SMPD4: variants seen among roughly 807,000 people sequenced by gnomAD.
SMPD4 encodes sphingomyelin phosphodiesterase 4, also known as neutral sphingomyelinase 3.
SMPD4 carries 58 observed loss-of-function variants against 97.8 expected under a neutral mutation model. That is an observed-to-expected ratio of 0.59 (90% CI 0.48 to 0.74). SMPD4 has a LOEUF of 0.74. SMPD4 is among the 30% of genes least tolerant of loss of function. The probability of loss-of-function intolerance (pLI) is 0.00; values close to 1 mark genes in which losing one functional copy is unlikely to be tolerated. For missense variants in SMPD4, 853 were observed against 1,080.5 expected, an observed-to-expected ratio of 0.79 and a Z score of 2.95; for synonymous variants, 388 against 450.0, an observed-to-expected ratio of 0.86 and a Z score of 1.74.
chr2:130,169,123 G>T (rs76615605), intron 8 of SMPD4, among the ~76,000 whole-genome samples: 1 of 149,388 alleles, frequency 6.7e-6, no homozygotes, highest in Non-Finnish European at 1.5e-5. Context: ...CAAGGACCAG[G>T]TGTCCCACTA....
At chr2:130,156,410 C>T in intron 13 of SMPD4, 175 bp downstream of exon 13, 2 of 736,948 alleles carry the variant, frequency 2.7e-6, no homozygotes, top group Non-Finnish European at 4.5e-6. Flanking sequence ...GCAGGGCTTT[C>T]CTGAGGGCTG....
At chr2:130,158,459 AGT>A (rs1359559369) in intron 11 of SMPD4, among the ~76,000 whole-genome samples, 1 of 152,080 alleles carries the variant, frequency 6.6e-6, no homozygotes, top group Admixed American at 6.5e-5. Context: ...TGGGACGACA[AGT>A]GTGTGCCACC....
At chr2:130,172,965 T>C (rs1408303436) in intron 5 of SMPD4, 70 bp from the exon 6 acceptor site, 5 of 1,544,256 alleles carry the variant, frequency 3.2e-6, no homozygotes, top group Non-Finnish European at 4.4e-6. Flanking sequence ...GTACCCCACA[T>C]GCACAGCAGC....
At chr2:130,166,119 C>T (rs368681463) in intron 9 of SMPD4, among the ~76,000 whole-genome samples, 1 of 151,820 alleles carries the variant, frequency 6.6e-6, no homozygotes, top group Non-Finnish European at 1.5e-5. Flanking sequence ...GTCAGGAGTT[C>T]GAGACATGGT....
At chr2:130,162,593 G>A (rs1334239021) in intron 10 of SMPD4, among the ~76,000 whole-genome samples, 2 of 152,202 alleles carry the variant, frequency 1.3e-5, no homozygotes, top group Non-Finnish European at 2.9e-5. Context: ...AGGGCCACTG[G>A]GGAGCAAGCA....
chr2:130,172,649 A>G lies in SMPD4; in HGVS notation c.483T>C (p.Phe161=). Residue 161 remains phenylalanine, a synonymous_variant, in exon 7 of 20, where the codon TTT becomes TTC. Coordinates refer to ENST00000680298, the MANE Select transcript of SMPD4 (RefSeq NM_017951.5). ...CCTTCTGAGTGATGAGGCTCAAGGC[A>G]AAGAAGAATATGTAATACTCGAACG... ...LNPFEYYIFF[F]ALSLITQKPL... is the part of the protein sequence containing the mutation. The G allele has an allele frequency of 6.2e-7, 1 of 1,614,216 alleles. No individual in the cohort carries two copies. The highest frequency in any genetic ancestry group is 8.5e-7 in the Non-Finnish European group (1 of 1,180,034).
chr2:130,152,927 C>T (rs758283567), intron 19 of SMPD4, 43 bp from the exon 20 acceptor site: 1 of 1,561,894 alleles, frequency 6.4e-7, no homozygotes, highest in Non-Finnish European at 8.7e-7. Flanking sequence ...GTGGTGGCAC[C>T]ACAGGCCTCA....
Position 130,172,517 on chromosome 2 carries a change from G to C in SMPD4, c.508-17C>G, listed in dbSNP as rs1475792767. On this transcript the variant is annotated splice_polypyrimidine_tract_variant and intron_variant, in intron 7 of 19. Coordinates refer to ENST00000680298, the MANE Select transcript of SMPD4 (RefSeq NM_017951.5). ...AGGAAGTGGCTGGAAAACCAAGCTA[G>C]TTGTTAGCATGGGCTCTGGACACTG... 2.5e-6 allele frequency: 4 copies of C among 1,611,940 alleles called. No homozygotes were observed. The African/African-American group carries it at 4.0e-5, about 16-fold the overall frequency.
chr2:130,178,766 G>A lies in SMPD4; in HGVS notation c.-45-2129C>T, dbSNP rs539772755. 6.0e-5 allele frequency among the ~76,000 whole-genome samples: 9 copies of A among 150,622 alleles called. No individual in the cohort carries two copies. The Admixed American group carries it at 6.0e-4, about 10-fold the overall frequency. On this transcript the variant is annotated intron_variant, in intron 1 of 19. Coordinates refer to ENST00000680298, the MANE Select transcript of SMPD4 (RefSeq NM_017951.5). Reference sequence around the variant, plus strand: ...GCCAAGATCACACCATTGCACTCTAGCCGGGGTGATAGAGGGAAACTCTCA... The same window carrying A: ...GCCAAGATCACACCATTGCACTCTAACCGGGGTGATAGAGGGAAACTCTCA...
At chr2:130,180,499 C>G (rs1689463342) in intron 1 of SMPD4, among the ~76,000 whole-genome samples, 1 of 152,144 alleles carries the variant, frequency 6.6e-6, no homozygotes, top group South Asian at 2.1e-4. Flanking sequence ...TCTTGAACTC[C>G]TGACCTCGTG....
intron 8 of SMPD4, among the ~76,000 whole-genome samples, chr2:130,171,178 C>T (rs1368263851): frequency 2.0e-5 from 3 of 148,370 alleles, no homozygotes; most frequent in Non-Finnish European, 4.4e-5. Flanking sequence ...AATCTCAGCT[C>T]ACCACAACCT....
At chr2:130,158,801 G>A (rs1159779716) in intron 11 of SMPD4, among the ~76,000 whole-genome samples, 1 of 152,070 alleles carries the variant, frequency 6.6e-6, no homozygotes, top group African/African-American at 2.4e-5. Flanking sequence ...TAGCCCTTTG[G>A]GCCGTAACAC....
chr2:130,172,899 CAGAG>C lies in SMPD4; in HGVS notation c.346-8_346-5del. On this transcript the variant is annotated splice_region_variant and splice_polypyrimidine_tract_variant and intron_variant, in intron 5 of 19. Coordinates refer to ENST00000680298, the MANE Select transcript of SMPD4 (RefSeq NM_017951.5). ...GGATGGACGCCTTCACAGGACCCTG[CAGAG>C]AGAGGCAGTGAGGCTTGTGGGCAGG... 4 of 1,607,274 alleles carry C rather than the reference CAGAG, an allele frequency of 2.5e-6. No homozygotes were observed. The highest frequency in any genetic ancestry group is 3.4e-6 in the Non-Finnish European group (4 of 1,176,820).
chr2:130,157,495 T>C (rs1294459076), intron 11 of SMPD4, 99 bp from the exon 12 acceptor site: 3 of 1,551,276 alleles, frequency 1.9e-6, no homozygotes, highest in Non-Finnish European at 2.6e-6. Flanking sequence ...CCAGTTGCTC[T>C]GCTGCCCCCA....
chr2:130,172,107 C>T (rs1688527019), intron 8 of SMPD4, among the ~76,000 whole-genome samples: 1 of 152,200 alleles, frequency 6.6e-6, no homozygotes, highest in Non-Finnish European at 1.5e-5. Flanking sequence ...CCCATGCAGG[C>T]CGTGGAGGCC....
chr2:130,158,221 G>C (rs1455449214), intron 11 of SMPD4: 13 of 1,288,656 alleles, frequency 1.0e-5, no homozygotes, highest in Non-Finnish European at 1.3e-5. Context: ...TGAGAACTCG[G>C]CCCAGTAGAA....
intron 8 of SMPD4, among the ~76,000 whole-genome samples, chr2:130,167,794 T>G (rs998003606): frequency 6.6e-6 from 1 of 152,182 alleles, no homozygotes; most frequent in Non-Finnish European, 1.5e-5. Context: ...GAAGTCTTCC[T>G]TACCACAGAG....
chr2:130,172,493 G>A lies in SMPD4; in HGVS notation c.515C>T (p.Pro172Leu), dbSNP rs1272673906. The A allele has an allele frequency of 6.2e-7, 1 of 1,611,260 alleles. No homozygotes were observed. Among genetic ancestry groups the A allele is most frequent in the Admixed American group, 1.7e-5 (1 of 59,910 alleles). The change falls in exon 8 of 20, where the codon CCT becomes CTT. Residue 172 changes from proline (P) to leucine (L), a missense_variant. Transcript: ENST00000680298. Reference sequence around the variant, plus strand: ...TGAAGTACGGACGTGGAGGGACACAGGAAGTGGCTGGAAAACCAAGCTAGT... The same window carrying A: ...TGAAGTACGGACGTGGAGGGACACAAGAAGTGGCTGGAAAACCAAGCTAGT... The part of the protein sequence containing the change: ...ALSLITQKPL[P>L]VSLHVRTSDC...
chr2:130,153,693 A>G lies in SMPD4; in HGVS notation c.1893+9T>C. ...CTGATGGCGGTGGGGCAGGCCCCAT[A>G]GCTCGTACCCGGAATATCTGGCGCA... is the stretch of plus-strand genomic sequence containing the variant. On this transcript the variant is annotated intron_variant, in intron 17 of 19. Coordinates refer to ENST00000680298, the MANE Select transcript of SMPD4 (RefSeq NM_017951.5). 1 of 1,613,050 alleles carries G rather than the reference A, an allele frequency of 6.2e-7. No individual in the cohort carries two copies. The highest frequency in any genetic ancestry group is 1.7e-4 in the Middle Eastern group (1 of 6,050).
Sources: gnomAD v4.1 joint callset for allele counts (sites outside exome capture counted in the v4.1 genomes callset) on GRCh38, gnomAD v4.1.1 for gene constraint, MANE v1.5 for transcripts, NCBI Gene and HGNC (gene_info 2026-07-23, HGNC 2026-07-21) for gene names.